YY1AP1: variants seen among roughly 807,000 people sequenced by gnomAD.
YY1AP1 encodes YY1-associated protein 1.
In YY1AP1, 43 loss-of-function variants were observed where a neutral mutation model predicts 39.9. The observed-to-expected ratio is 1.08, with a 90% confidence interval of 0.84 to 1.39. YY1AP1 has a LOEUF of 1.39. Among genes scored for constraint, YY1AP1 ranks in the 40% most tolerant of loss-of-function variants. The pLI, the probability that YY1AP1 is intolerant of heterozygous loss-of-function variation, is 0.00. For missense variants in YY1AP1, 813 were observed against 900.7 expected (o/e 0.90, Z 1.25); for synonymous variants, 292 against 331.3 (o/e 0.88, Z 1.29).
At chr1:155,670,495 C>G in intron 7 of YY1AP1, 31 bp from the exon 8 acceptor site, 6 of 1,611,306 alleles carry the variant, frequency 3.7e-6, no homozygotes, top group Non-Finnish European at 5.1e-6. Context: ...GATAAATCAA[C>G]TTCTAGGAAA....
intron 2 of YY1AP1, among the ~76,000 whole-genome samples, chr1:155,681,843 T>G (rs1238120827): frequency 1.9e-5 from 1 of 53,368 alleles, no homozygotes; most frequent in Non-Finnish European, 3.1e-5. Flanking sequence ...ACATTGAGGA[T>G]TTTTTTTTTT....
At chr1:155,680,786 T>TG (rs1177942595) in intron 2 of YY1AP1, among the ~76,000 whole-genome samples, 1 of 152,184 alleles carries the variant, frequency 6.6e-6, no homozygotes, top group Non-Finnish European at 1.5e-5. Flanking sequence ...AAGCTGGTCT[T>TG]GAACTCCTGA....
intron 6 of YY1AP1, among the ~76,000 whole-genome samples, chr1:155,674,229 C>T (rs529719018): frequency 7.4e-5 from 11 of 149,052 alleles, no homozygotes; most frequent in Admixed American, 7.3e-4. Context: ...TAGCTCTACA[C>T]ATAAAACACT....
In YY1AP1 at chr1:155,668,728, G is replaced by A. The variant is rs1231852577; in HGVS notation, c.778C>T (p.Pro260Ser). ...KHFEGTEFLN[P>S]LISKYLLTCK... ...GTTAGAAGGTACTTGCTGATTAGAG[G>A]GTTAAGAAACTCAGTCCCTTCAAAA... is the stretch of plus-strand genomic sequence containing the variant. Residue 260 changes from proline (P) to serine (S), a missense_variant, in exon 9 of 11, where the codon CCT (proline) becomes TCT (serine). This residue lies in a region of YY1AP1 where 586 missense variants were observed against 647.4 expected (regional missense o/e 0.91). Coordinates refer to ENST00000355499, the MANE Select transcript of YY1AP1 (RefSeq NM_139119.3). The A allele has an allele frequency of 6.2e-7, 1 of 1,614,026 alleles. No individual in the cohort carries two copies. Among genetic ancestry groups the A allele is most frequent in the South Asian group, 1.1e-5 (1 of 91,074 alleles).
At chr1:155,683,673 A>G (rs1204085354) in intron 2 of YY1AP1, among the ~76,000 whole-genome samples, 2 of 151,950 alleles carry the variant, frequency 1.3e-5, no homozygotes, top group African/African-American at 4.8e-5. Flanking sequence ...ACAAAACAAA[A>G]CAAAAAAAAC....
chr1:155,673,958 G>T (rs898071709), intron 6 of YY1AP1, among the ~76,000 whole-genome samples: 1 of 151,854 alleles, frequency 6.6e-6, no homozygotes, highest in African/African-American at 2.4e-5. Context: ...TCAGGAGATC[G>T]AGACCATCCC....
At chr1:155,670,156 T>C (rs1007326486) in intron 8 of YY1AP1, among the ~76,000 whole-genome samples, 164 bp downstream of exon 8, 1 of 152,174 alleles carries the variant, frequency 6.6e-6, no homozygotes, top group Non-Finnish European at 1.5e-5. Context: ...CAAAAAGCAG[T>C]ATTTGGCACT....
chr1:155,667,903 AATACATACATAC>A (rs57719884), intron 9 of YY1AP1, among the ~76,000 whole-genome samples: 28 of 150,440 alleles, frequency 1.9e-4, no homozygotes, highest in South Asian at 1.0e-3. Flanking sequence ...ACTCCATCTC[AATACATACATAC>A]ATACATACAT....
chr1:155,671,539 C>T (rs557103369), intron 7 of YY1AP1, among the ~76,000 whole-genome samples: 4 of 152,154 alleles, frequency 2.6e-5, no homozygotes, highest in Non-Finnish European at 5.9e-5. Flanking sequence ...TTAAGTTCTC[C>T]CAGATTCCTC....
chr1:155,679,323 A>C (rs1332013721), intron 4 of YY1AP1, 86 bp downstream of exon 4: 1 of 1,590,706 alleles, frequency 6.3e-7, no homozygotes, highest in South Asian at 1.1e-5. Context: ...GCTGGGGATG[A>C]AAAATTGTTA....
At chr1:155,688,992 G>A, upstream of YY1AP1, 1 of 1,603,574 alleles carries the variant, frequency 6.2e-7, no homozygotes, top group Non-Finnish European at 8.5e-7. Context: ...CGCGGCGAGG[G>A]GATCGAGGGC....
chr1:155,688,533 A>C, intron 1 of YY1AP1, 126 bp downstream of exon 1: 1 of 1,541,704 alleles, frequency 6.5e-7, no homozygotes, highest in African/African-American at 1.4e-5. Flanking sequence ...CCCACCAACC[A>C]CCACCTTCGG....
Position 155,659,947 on chromosome 1 carries a change from G to A in YY1AP1, c.1963C>T (p.Leu655=). 1.2e-6 allele frequency: 2 copies of A among 1,614,202 alleles called. No individual in the cohort carries two copies. Among genetic ancestry groups the A allele is most frequent in the Non-Finnish European group, 1.7e-6 (2 of 1,180,036 alleles). Residue 655 remains leucine (L), a synonymous_variant, in exon 11 of 11, where the codon CTA becomes TTA. Coordinates refer to ENST00000355499, the MANE Select transcript of YY1AP1 (RefSeq NM_139119.3). ...VADGENAFQG[L]EPKLEPQELS... is the part of the protein sequence containing the mutation. ...TCCTGGGGCTCTAATTTGGGTTCTA[G>A]GCCCTGAAAGGCATTTTCCCCATCA...
chr1:155,667,777 G>A (rs751327368), intron 9 of YY1AP1, among the ~76,000 whole-genome samples: 3 of 151,476 alleles, frequency 2.0e-5, no homozygotes, highest in East Asian at 2.0e-4. Flanking sequence ...AGCCAAGATC[G>A]CACCATTGCA....
intron 2 of YY1AP1, among the ~76,000 whole-genome samples, chr1:155,685,172 C>A (rs1300844931): frequency 6.6e-6 from 1 of 152,084 alleles, no homozygotes; most frequent in Non-Finnish European, 1.5e-5. Flanking sequence ...AAGTTCCATA[C>A]AGAATAAAAT....
Position 155,660,493 on chromosome 1 carries a change from C to T in YY1AP1, c.1417G>A (p.Gly473Arg), listed in dbSNP as rs775904959. The change falls in exon 11 of 11, where the codon GGA becomes AGA. Residue 473 changes from glycine to arginine, a missense_variant. Gly to Arg is a moderately radical substitution (Grantham distance 125). Around this residue, in one of 3 missense-constraint regions of YY1AP1, gnomAD observed 586 missense variants for 647.4 expected, o/e 0.91. Coordinates refer to ENST00000355499, the MANE Select transcript of YY1AP1 (RefSeq NM_139119.3). ...GCAGGAGACTCAAAACTCTCACCTC[C>T]ACTGACCCCCAGTGGAGGGACACCT... The part of the protein sequence containing the change: ...VPGVPPLGVS[G>R]GESFESPAAL... 17 of 1,614,048 alleles carry T rather than the reference C, an allele frequency of 1.1e-5. No homozygotes were observed. Among genetic ancestry groups the T allele is most frequent in the Non-Finnish European group, 1.4e-5 (16 of 1,180,034 alleles).
chr1:155,661,114 C>T, intron 10 of YY1AP1, 193 bp downstream of exon 10: 1 of 1,504,098 alleles, frequency 6.6e-7, no homozygotes, highest in South Asian at 1.3e-5. Flanking sequence ...TACCATTTTA[C>T]CCATTATTTT....
intron 4 of YY1AP1, 160 bp downstream of exon 4, chr1:155,679,249 G>A: frequency 6.5e-7 from 1 of 1,536,258 alleles, no homozygotes. Flanking sequence ...CCATAACAAG[G>A]AGACTTCACT....
chr1:155,666,724 G>T (rs1041761126), intron 9 of YY1AP1, among the ~76,000 whole-genome samples: 1 of 152,054 alleles, frequency 6.6e-6, no homozygotes, highest in African/African-American at 2.4e-5. Context: ...TTTTTGCCAG[G>T]CACAGAGGCT....
Sources: gnomAD v4.1 joint callset for allele counts (sites outside exome capture counted in the v4.1 genomes callset) on GRCh38, gnomAD v4.1.1 for gene constraint, gnomAD v4.1.1 regional missense constraint, MANE v1.5 for transcripts, NCBI Gene and HGNC (gene_info 2026-07-23, HGNC 2026-07-21) for gene names.